PRKCE: variants seen among roughly 807,000 people sequenced by gnomAD.
The protein encoded by PRKCE is protein kinase C epsilon.
Under a neutral mutation model 85.4 loss-of-function variants are expected in PRKCE, and 16 were observed. The ratio of observed to expected loss-of-function variants is 0.19; its 90% CI spans 0.13 to 0.28. PRKCE has a LOEUF of 0.28. Among genes scored for constraint, PRKCE ranks in the 10% least tolerant of loss-of-function variants. The probability of loss-of-function intolerance (pLI) is 1.00; values close to 1 mark genes in which losing one functional copy is unlikely to be tolerated. For missense variants in PRKCE, 573 were observed against 975.2 expected, an observed-to-expected ratio of 0.59 and a Z score of 5.49; for synonymous variants, 388 against 371.5, an observed-to-expected ratio of 1.04 and a Z score of -0.51.
intron 1 of PRKCE, among the ~76,000 whole-genome samples, chr2:45,739,552 G>C (rs750777331): frequency 6.6e-5 from 10 of 152,088 alleles, no homozygotes; most frequent in Non-Finnish European, 1.3e-4. Flanking sequence ...TTAAAAACCT[G>C]ACGTTTATAT....
At chr2:46,106,059 A>G (rs555225287) in intron 11 of PRKCE, among the ~76,000 whole-genome samples, 3 of 152,226 alleles carry the variant, frequency 2.0e-5, no homozygotes, top group African/African-American at 7.2e-5. Flanking sequence ...CTTTTTCAAT[A>G]TTTCTAGGCT....
chr2:45,666,841 T>G (rs555330998), intron 1 of PRKCE, among the ~76,000 whole-genome samples: 1 of 152,216 alleles, frequency 6.6e-6, no homozygotes, highest in East Asian at 1.9e-4. Flanking sequence ...TTGGTTAAAT[T>G]TAAAAACAAA....
rs376110322 is a variant in PRKCE, at chr2:45,975,512, A to C, written c.413-917A>C. ...CTCTTATAAGGACACTAATCCCATC[A>C]TGGAGGCTCAACCCTCACGACCTCA... On this transcript the variant is annotated intron_variant, in intron 2 of 14. Coordinates refer to ENST00000306156, the MANE Select transcript of PRKCE (RefSeq NM_005400.3). Among the ~76,000 whole-genome samples, 8 of 152,310 alleles carry C rather than the reference A, an allele frequency of 5.3e-5. No individual in the cohort carries two copies. In the South Asian group the frequency reaches 1.4e-3, roughly 28 times the overall value.
chr2:45,723,464 G>A (rs1018227189), intron 1 of PRKCE, among the ~76,000 whole-genome samples: 2 of 152,136 alleles, frequency 1.3e-5, no homozygotes, highest in African/African-American at 2.4e-5. Flanking sequence ...GTCCTGCTTG[G>A]AGCTGATCTG....
At chr2:45,898,346 A>C (rs1185377584) in intron 2 of PRKCE, among the ~76,000 whole-genome samples, 1 of 152,218 alleles carries the variant, frequency 6.6e-6, no homozygotes, top group East Asian at 1.9e-4. Flanking sequence ...TGAGCATGTT[A>C]GTGTGATTAG....
chr2:45,695,162 G>A (rs1678041342), intron 1 of PRKCE, among the ~76,000 whole-genome samples: 3 of 152,142 alleles, frequency 2.0e-5, no homozygotes, highest in Admixed American at 2.0e-4. Flanking sequence ...TAAAGTTTGA[G>A]GAGGAAAATC....
At chr2:45,982,669 C>G (rs566634972) in intron 5 of PRKCE, among the ~76,000 whole-genome samples, 1 of 152,280 alleles carries the variant, frequency 6.6e-6, no homozygotes, top group Admixed American at 6.5e-5. Flanking sequence ...TGTGACATGT[C>G]CCCCTGCACA....
chr2:46,152,741 G>C (rs1176748731), intron 13 of PRKCE, among the ~76,000 whole-genome samples: 1 of 149,108 alleles, frequency 6.7e-6, no homozygotes, highest in Non-Finnish European at 1.5e-5. Flanking sequence ...TAGAGATGGG[G>C]TTTCGCCATG....
At chr2:45,952,225 G>A (rs973813903) in intron 2 of PRKCE, among the ~76,000 whole-genome samples, 6 of 152,218 alleles carry the variant, frequency 3.9e-5, no homozygotes, top group Non-Finnish European at 2.9e-5. Flanking sequence ...CTGAAGCCCA[G>A]AGAAGGAAAG....
chr2:45,704,483 G>A (rs1039351159), intron 1 of PRKCE, among the ~76,000 whole-genome samples: 1 of 152,164 alleles, frequency 6.6e-6, no homozygotes, highest in African/African-American at 2.4e-5. Context: ...TGATTTTCCT[G>A]TATGAAATGT....
intron 2 of PRKCE, among the ~76,000 whole-genome samples, chr2:45,926,639 C>CT (rs1558843266): frequency 1.3e-5 from 2 of 152,146 alleles, no homozygotes; most frequent in African/African-American, 4.8e-5. Context: ...CCAGTGCTTT[C>CT]TTTTTTTGTT....
intron 1 of PRKCE, among the ~76,000 whole-genome samples, chr2:45,758,106 G>T (rs138809173): frequency 1.4e-3 from 209 of 152,310 alleles, no homozygotes; most frequent in Non-Finnish European, 1.9e-3. Flanking sequence ...CTACTTTCAA[G>T]AATGAAAGCT....
chr2:46,005,870 T>C (rs1705149002), intron 8 of PRKCE, among the ~76,000 whole-genome samples: 1 of 152,244 alleles, frequency 6.6e-6, no homozygotes, highest in South Asian at 2.1e-4. Context: ...AACTTGTAGC[T>C]ATTTTCCCAG....
chr2:45,813,283 T>G (rs1163010043), intron 1 of PRKCE, among the ~76,000 whole-genome samples: 1 of 152,198 alleles, frequency 6.6e-6, no homozygotes, highest in African/African-American at 2.4e-5. Context: ...GGGACCTTGT[T>G]GGCCATGGGT....
chr2:45,989,160 C>T (rs916150188), intron 6 of PRKCE, among the ~76,000 whole-genome samples: 7 of 152,230 alleles, frequency 4.6e-5, no homozygotes, highest in Non-Finnish European at 1.0e-4. Flanking sequence ...TGCTTTTTCT[C>T]ATCCCCATCT....
Position 45,878,273 on chromosome 2 carries a change from G to C in PRKCE, c.412+35210G>C, listed in dbSNP as rs534553331. Among the ~76,000 whole-genome samples, 14 of 152,316 alleles carry C rather than the reference G, an allele frequency of 9.2e-5. No homozygotes were observed. The South Asian group carries it at 2.7e-3, about 29-fold the overall frequency. On this transcript the variant is annotated intron_variant, in intron 2 of 14. Transcript: ENST00000306156. ...GTGCTTGGAAATCTTATCTGGACCTGTTATGAAGGCATCCTCCTCTAGTGT... is the reference window on the plus strand; with the variant it reads ...GTGCTTGGAAATCTTATCTGGACCTCTTATGAAGGCATCCTCCTCTAGTGT...
chr2:45,768,316 A>G (rs2104888145), intron 1 of PRKCE, among the ~76,000 whole-genome samples: 1 of 152,340 alleles, frequency 6.6e-6, no homozygotes, highest in South Asian at 2.1e-4. Flanking sequence ...GGCTCTAATT[A>G]TCTACAGAGA....
chr2:46,154,184 A>C (rs921962702), intron 13 of PRKCE, among the ~76,000 whole-genome samples: 1 of 152,078 alleles, frequency 6.6e-6, no homozygotes, highest in Non-Finnish European at 1.5e-5. Context: ...TGGCTGGTAC[A>C]CCTAGAAGGT....
At chr2:45,874,862 C>T (rs1442789331) in intron 2 of PRKCE, among the ~76,000 whole-genome samples, 1 of 152,086 alleles carries the variant, frequency 6.6e-6, no homozygotes, top group Non-Finnish European at 1.5e-5. Flanking sequence ...GAATGAAGTG[C>T]CTTATTCTAC....
Sources: allele counts gnomAD v4.1 joint callset (sites outside exome capture counted in the v4.1 genomes callset), GRCh38; gene constraint gnomAD v4.1.1; transcripts MANE v1.5; gene names NCBI Gene and HGNC (gene_info 2026-07-23, HGNC 2026-07-21).